C8orf58: variants seen among roughly 807,000 people sequenced by gnomAD.
The protein encoded by C8orf58 is chromosome 8 open reading frame 58.
Under a neutral mutation model 36.8 loss-of-function variants are expected in C8orf58, and 31 were observed. That is an observed-to-expected ratio of 0.84 (90% CI 0.63 to 1.14). The LOEUF is 1.14. Among genes scored for constraint, C8orf58 ranks in the 50% most tolerant of loss-of-function variants. The pLI, the probability that C8orf58 is intolerant of heterozygous loss-of-function variation, is 0.00. For missense variants in C8orf58, 538 were observed against 480.8 expected, an observed-to-expected ratio of 1.12 and a Z score of -1.11; for synonymous variants, 230 against 200.2, an observed-to-expected ratio of 1.15 and a Z score of -1.26.
chr8:22,600,741 T>G, intron 1 of C8orf58, 141 bp from the exon 2 acceptor site: 1 of 665,588 alleles, frequency 1.5e-6, no homozygotes, highest in Non-Finnish European at 2.5e-6. Flanking sequence ...TGGGGCCATA[T>G]CCGGGCTGCC....
At chr8:22,600,761 C>A in intron 1 of C8orf58, 121 bp from the exon 2 acceptor site, 1 of 813,050 alleles carries the variant, frequency 1.2e-6, no homozygotes, top group Non-Finnish European at 1.9e-6. Flanking sequence ...CCGTGGCTGT[C>A]CAGTGACCGC....
chr8:22,599,776 C>G lies in C8orf58; in HGVS notation c.40+16C>G. On this transcript the variant is annotated intron_variant, in intron 1 of 6. Transcript: ENST00000289989. ...GACGGCCGGGGTGAGTCACCCACCC[C>G]CAGGCTGGCCGGGCTCCCCCCTGCC... 8.3e-7 allele frequency: 1 copy of G among 1,207,312 alleles called. No homozygotes were observed. Among genetic ancestry groups the G allele is most frequent in the African/African-American group, 1.6e-5 (1 of 63,458 alleles). 74.8% of individuals were successfully genotyped at this position (1,207,312 alleles called of 1,614,324 possible). A position where few individuals can be genotyped will look rare whatever the true frequency, so the allele number is the denominator to read the frequency against.
At position 22,603,238 on chromosome 8, in the gene C8orf58, C is replaced by T. The variant is rs1800927342; in HGVS notation, c.1030C>T (p.His344Tyr). Reference sequence around the variant, plus strand: ...CCCTGAAAGGCCTCAGTGCCGCCCCCACCGGAAGACCTTTATGCCATCATT... The same window carrying T: ...CCCTGAAAGGCCTCAGTGCCGCCCCTACCGGAAGACCTTTATGCCATCATT... ...DLPERPQCRP[H>Y]RKTFMPSLVV... Residue 344 changes from histidine (H) to tyrosine (Y), a missense_variant, in exon 7 of 7, where the codon CAC (histidine) becomes TAC (tyrosine). Transcript: ENST00000289989. 1 of 1,614,040 alleles carries T rather than the reference C, an allele frequency of 6.2e-7. No individual in the cohort carries two copies. Among genetic ancestry groups the T allele is most frequent in the Non-Finnish European group, 8.5e-7 (1 of 1,180,012 alleles).
chr8:22,601,084 C>T lies in C8orf58; in HGVS notation c.243C>T (p.Ala81=), dbSNP rs752279989. The T allele has an allele frequency of 2.9e-5, 46 of 1,612,532 alleles. No individual in the cohort carries two copies. Among genetic ancestry groups the T allele is most frequent in the Non-Finnish European group, 3.4e-5 (40 of 1,180,016 alleles). ...VEMAVGDSPL[A]ALPGLSQDSL... ...TGGCAGTTGGGGACAGCCCCCTGGCCGCCTTACCGGGCCTTTCTCAGGACT... is the reference window on the plus strand; with the variant it reads ...TGGCAGTTGGGGACAGCCCCCTGGCTGCCTTACCGGGCCTTTCTCAGGACT... The change falls in exon 2 of 7, where the codon GCC becomes GCT. Residue 81 remains alanine (A), a synonymous_variant. Transcript: ENST00000289989.
Position 22,599,771 on chromosome 8 carries a change from CA to C in C8orf58, c.40+12del. ...CCGTGGACGGCCGGGGTGAGTCACC[CA>C]CCCCCAGGCTGGCCGGGCTCCCCCC... On this transcript the variant is annotated intron_variant, in intron 1 of 6. Coordinates refer to ENST00000289989, the MANE Select transcript of C8orf58 (RefSeq NM_001013842.3). The C allele has an allele frequency of 8.3e-7, 1 of 1,211,174 alleles. No individual in the cohort carries two copies. Among genetic ancestry groups the C allele is most frequent in the Non-Finnish European group, 1.0e-6 (1 of 972,274 alleles). 75.0% of individuals were successfully genotyped at this position (1,211,174 alleles called of 1,614,324 possible).
chr8:22,601,345 G>A lies in C8orf58; in HGVS notation c.504G>A (p.Leu168=), dbSNP rs539097466. 2 of 1,578,878 alleles carry A rather than the reference G, an allele frequency of 1.3e-6. No homozygotes were observed. Among genetic ancestry groups the A allele is most frequent in the East Asian group, 4.6e-5 (2 of 43,626 alleles). The change falls in exon 2 of 7, where the codon CTG becomes CTA. Residue 168 remains leucine, a synonymous_variant. Coordinates refer to ENST00000289989, the MANE Select transcript of C8orf58 (RefSeq NM_001013842.3). ...MEADTDLEAG[L]EEEAVGGLGP... is the part of the protein sequence containing the mutation. ...CAGACACAGACCTAGAGGCAGGCCTGGAAGAAGAGGCGGTGAGTGCTCACT... is the reference window on the plus strand; with the variant it reads ...CAGACACAGACCTAGAGGCAGGCCTAGAAGAAGAGGCGGTGAGTGCTCACT...
chr8:22,599,811 C>T, intron 1 of C8orf58, 51 bp downstream of exon 1: 2 of 895,274 alleles, frequency 2.2e-6, no homozygotes, highest in Non-Finnish European at 2.9e-6. Context: ...CCCGGAGCCG[C>T]TTCCCGCCCC....
In C8orf58 at chr8:22,602,537, C is replaced by T. The variant is rs767732421; in HGVS notation, c.880C>T (p.Arg294Trp). ...YHLPSSQGHK[R>W]DISHWDKVKV... ...GGGTGACCCCTCATCCTCTGCTCAG[C>T]GGGATATCTCCCACTGGGACAAGGT... Residue 294 changes from arginine (R) to tryptophan (W), a missense_variant and splice_region_variant, in exon 6 of 7, where the codon CGG (arginine) becomes TGG (tryptophan). Transcript: ENST00000289989. The T allele has an allele frequency of 2.0e-5, 32 of 1,608,416 alleles. No individual in the cohort carries two copies. The highest frequency in any genetic ancestry group is 1.9e-4 in the South Asian group (17 of 90,888).
At position 22,603,305 on chromosome 8, in the gene C8orf58, G is replaced by A. The variant is rs1343606115; in HGVS notation, c.1097G>A (p.Ter366=). 7 of 1,608,382 alleles carry A rather than the reference G, an allele frequency of 4.4e-6. No individual in the cohort carries two copies. Among genetic ancestry groups the A allele is most frequent in the Non-Finnish European group, 6.0e-6 (7 of 1,174,970 alleles). ...CGAGCAAAAAACCTTTCTGTAGGCT[G>A]AGACCTCTCGGTGCACCTGGTGACC... ...KQRAKNLSVG[*] The change falls in exon 7 of 7, where the codon TGA becomes TAA. Residue 366 remains the stop codon, a stop_retained_variant. Transcript: ENST00000289989.
intron 1 of C8orf58, chr8:22,600,514 A>C (rs565717997): frequency 6.1e-4 from 169 of 275,900 alleles, no homozygotes; most frequent in Middle Eastern, 1.2e-3. Context: ...ATACAGTCCT[A>C]CTCCCGCTTG....
At chr8:22,601,565 C>G in intron 2 of C8orf58, 147 bp from the exon 3 acceptor site, 1 of 1,103,214 alleles carries the variant, frequency 9.1e-7, no homozygotes, top group East Asian at 2.4e-5. Context: ...GGCACTATGC[C>G]CCGCTGGGCA....
chr8:22,602,572 G>A lies in C8orf58; in HGVS notation c.915G>A (p.Leu305=), dbSNP rs779121265. The part of the protein sequence containing the change: ...DISHWDKVKV[L]LNRICRRSHH... ...CCCACTGGGACAAGGTCAAGGTCCT[G>A]CTCAACCGGATCTGCCGGAGAAGCC... The change falls in exon 6 of 7, where the codon CTG becomes CTA. Residue 305 remains leucine (L), a synonymous_variant. Transcript: ENST00000289989. 6 of 1,592,508 alleles carry A rather than the reference G, an allele frequency of 3.8e-6. No individual in the cohort carries two copies. Among genetic ancestry groups the A allele is most frequent in the Non-Finnish European group, 5.1e-6 (6 of 1,166,524 alleles).
intron 2 of C8orf58, 70 bp from the exon 3 acceptor site, chr8:22,601,642 A>G: frequency 6.6e-7 from 1 of 1,511,630 alleles, no homozygotes; most frequent in African/African-American, 1.4e-5. Context: ...GGCTGAGCCC[A>G]GCCTGGCTGC....
rs754421055 is a variant in C8orf58 at position 22,601,997 on chromosome 8, G to C, written c.683G>C (p.Arg228Pro). The change falls in exon 4 of 7, where the codon CGA (arginine) becomes CCA (proline). Residue 228 changes from arginine to proline, a missense_variant. Coordinates refer to ENST00000289989, the MANE Select transcript of C8orf58 (RefSeq NM_001013842.3). ...PGDPGEEESTRAPLPSPLHTP... is the reference protein window; with the variant it reads ...PGDPGEEESTPAPLPSPLHTP... Reference sequence around the variant, plus strand: ...GATCCCGGCGAGGAGGAGTCGACCCGAGCCCCTTTACCGTCCCCGTTACAC... The same window carrying C: ...GATCCCGGCGAGGAGGAGTCGACCCCAGCCCCTTTACCGTCCCCGTTACAC... The C allele has an allele frequency of 1.3e-6, 2 of 1,562,578 alleles. No homozygotes were observed. Among genetic ancestry groups the C allele is most frequent in the Admixed American group, 3.6e-5 (2 of 55,634 alleles).
intron 2 of C8orf58, 63 bp downstream of exon 2, chr8:22,601,420 C>T (rs763885703): frequency 3.6e-4 from 487 of 1,334,468 alleles, no homozygotes; most frequent in Non-Finnish European, 4.6e-4. Flanking sequence ...CTCTGGTTCT[C>T]CCTGGAGCTC....
Position 22,603,381 on chromosome 8 carries a change from C to A in C8orf58, c.*75C>A. ...GTCTTCCTCGCCCTCTGCCCTCTTG[C>A]TGCTTCTCCACATTGCCAGGAAAAG... On this transcript the variant is annotated 3_prime_UTR_variant, in exon 7 of 7. Coordinates refer to ENST00000289989, the MANE Select transcript of C8orf58 (RefSeq NM_001013842.3). 1.9e-6 allele frequency: 2 copies of A among 1,047,232 alleles called. No individual in the cohort carries two copies. Among genetic ancestry groups the A allele is most frequent in the Non-Finnish European group, 3.0e-6 (2 of 668,330 alleles). The allele number at this position is 1,047,232 out of a possible 1,614,324, so 64.9% of individuals were successfully genotyped here.
rs1800940461 is a variant in C8orf58 at position 22,603,533 on chromosome 8, C to A, written c.*227C>A. 1 of 578,930 alleles carries A rather than the reference C, an allele frequency of 1.7e-6. No homozygotes were observed. The highest frequency in any genetic ancestry group is 1.9e-5 in the South Asian group (1 of 52,538). The allele number at this position is 578,930 out of a possible 1,614,324, so 35.9% of individuals were successfully genotyped here. A position where few individuals can be genotyped will look rare whatever the true frequency, so the allele number is the denominator to read the frequency against. On this transcript the variant is annotated 3_prime_UTR_variant, in exon 7 of 7. Coordinates refer to ENST00000289989, the MANE Select transcript of C8orf58 (RefSeq NM_001013842.3). ...GCAGCTCCAGGGCTCTTCCTCCTCA[C>A]CAGAAATCCCTGGGCTTCCACAATG...
At chr8:22,602,134 G>A (rs1800884415) in intron 4 of C8orf58, 54 bp downstream of exon 4, 2 of 1,551,788 alleles carry the variant, frequency 1.3e-6, no homozygotes, top group South Asian at 1.2e-5. Flanking sequence ...CCCACCAGCA[G>A]GTCCTCTGAG....
rs1800826798 is a variant in C8orf58 at position 22,600,864 on chromosome 8, C to T, written c.41-18C>T. 1.9e-6 allele frequency: 3 copies of T among 1,575,906 alleles called. No homozygotes were observed. Among genetic ancestry groups the T allele is most frequent in the African/African-American group, 1.3e-5 (1 of 74,490 alleles). ...GTTGGGGGTGGCCTGCCCAGCCTGACGCTGACTCTCCATGCAGATGGGGCT... is the reference window on the plus strand; with the variant it reads ...GTTGGGGGTGGCCTGCCCAGCCTGATGCTGACTCTCCATGCAGATGGGGCT... On this transcript the variant is annotated intron_variant, in intron 1 of 6. Transcript: ENST00000289989.
Sources: allele counts gnomAD v4.1 joint callset, GRCh38; gene constraint gnomAD v4.1.1; transcripts MANE v1.5; gene names NCBI Gene and HGNC (gene_info 2026-07-23, HGNC 2026-07-21).